VWC2L: variants seen among roughly 807,000 people sequenced by gnomAD.
The protein encoded by VWC2L is von Willebrand factor C domain-containing protein 2-like.
VWC2L carries 10 observed loss-of-function variants against 21.6 expected under a neutral mutation model. That is an observed-to-expected ratio of 0.46 (90% confidence interval 0.29 to 0.78). The LOEUF is 0.78. VWC2L is among the 30% of genes least tolerant of loss of function. The probability of loss-of-function intolerance (pLI) is 0.10; values close to 1 mark genes in which losing one functional copy is unlikely to be tolerated. For synonymous variants in VWC2L, 96 were observed against 94.3 expected (o/e 1.02, Z -0.10); for missense variants, 209 against 277.1 (o/e 0.75, Z 1.74).
intron 2 of VWC2L, among the ~76,000 whole-genome samples, chr2:214,436,004 AT>A (rs1362836885): frequency 2.0e-5 from 3 of 151,678 alleles, no homozygotes; most frequent in Non-Finnish European, 4.4e-5. Flanking sequence ...AGGCCAGTCG[AT>A]TTGTTCATTC....
intron 3 of VWC2L, among the ~76,000 whole-genome samples, chr2:214,550,835 T>A (rs540526981): frequency 3.5e-4 from 53 of 152,358 alleles, no homozygotes; most frequent in African/African-American, 1.2e-3. Context: ...TAGTGTCATG[T>A]CACTTTCCTA....
At chr2:214,422,036 C>T (rs1467741760) in intron 2 of VWC2L, among the ~76,000 whole-genome samples, 2 of 150,872 alleles carry the variant, frequency 1.3e-5, no homozygotes, top group East Asian at 2.0e-4. Context: ...ATTACAGGCG[C>T]GTGCCACCAT....
chr2:214,444,847 A>T (rs2126182097), intron 3 of VWC2L, among the ~76,000 whole-genome samples: 1 of 152,136 alleles, frequency 6.6e-6, no homozygotes, highest in African/African-American at 2.4e-5. Flanking sequence ...CGATTATATA[A>T]AAAGATAAAA....
chr2:214,497,937 A>T (rs1359526736), intron 3 of VWC2L, among the ~76,000 whole-genome samples: 5 of 152,330 alleles, frequency 3.3e-5, no homozygotes, highest in African/African-American at 1.2e-4. Flanking sequence ...ATGAATAAAA[A>T]CCCAAATCTC....
intron 3 of VWC2L, among the ~76,000 whole-genome samples, chr2:214,558,434 G>T (rs567102601): frequency 6.6e-6 from 1 of 152,080 alleles, no homozygotes; most frequent in South Asian, 2.1e-4. Flanking sequence ...TTCTAACATT[G>T]ACCTCATTCT....
chr2:214,509,227 CGTAT>C (rs770926089), intron 3 of VWC2L, among the ~76,000 whole-genome samples: 4 of 152,142 alleles, frequency 2.6e-5, no homozygotes, highest in Non-Finnish European at 4.4e-5. Context: ...ATTTTCCTAA[CGTAT>C]GTATTACCTT....
At chr2:214,489,018 A>G (rs1688711415) in intron 3 of VWC2L, among the ~76,000 whole-genome samples, 2 of 152,188 alleles carry the variant, frequency 1.3e-5, no homozygotes, top group African/African-American at 4.8e-5. Context: ...TTTGATGGGG[A>G]CAAACTTGAT....
chr2:214,414,821 A>C (rs1412599129), intron 2 of VWC2L: 3 of 513,394 alleles, frequency 5.8e-6, no homozygotes, highest in Non-Finnish European at 1.0e-5. Flanking sequence ...TATTTGGGGC[A>C]TACCTAACAC....
chr2:214,502,881 C>A (rs1469915810), intron 3 of VWC2L, among the ~76,000 whole-genome samples: 1 of 152,198 alleles, frequency 6.6e-6, no homozygotes, highest in African/African-American at 2.4e-5. Flanking sequence ...CCCAGATGGG[C>A]AACACCAGGC....
chr2:214,436,716 C>T lies in VWC2L; in HGVS notation c.478C>T (p.Pro160Ser). ...CTGCGCAGTTCCTGAGTGTGTCAACCCAGTCTATGAACCAGAACAATGTTG... is the reference window on the plus strand; with the variant it reads ...CTGCGCAGTTCCTGAGTGTGTCAACTCAGTCTATGAACCAGAACAATGTTG... The part of the protein sequence containing the change: ...ADCAVPECVN[P>S]VYEPEQCCPV... Residue 160 changes from proline to serine, a missense_variant, in exon 3 of 4, where the codon CCA (proline) becomes TCA (serine). By Grantham distance (74) the Pro-to-Ser change is moderately conservative. Coordinates refer to ENST00000312504, the MANE Select transcript of VWC2L (RefSeq NM_001080500.4). 1 of 1,613,304 alleles carries T rather than the reference C, an allele frequency of 6.2e-7. No homozygotes were observed. Among genetic ancestry groups the T allele is most frequent in the Non-Finnish European group, 8.5e-7 (1 of 1,179,442 alleles).
chr2:214,568,229 A>G (rs1490768603), intron 3 of VWC2L, among the ~76,000 whole-genome samples: 2 of 152,186 alleles, frequency 1.3e-5, no homozygotes, highest in Non-Finnish European at 2.9e-5. Flanking sequence ...CTCTGGATCT[A>G]GGACCTTGAC....
At chr2:214,431,351 A>G (rs1195499355) in intron 2 of VWC2L, among the ~76,000 whole-genome samples, 5 of 152,160 alleles carry the variant, frequency 3.3e-5, no homozygotes, top group Admixed American at 1.3e-4. Context: ...TCCTTTGTGG[A>G]AAAGATTAGA....
intron 2 of VWC2L, among the ~76,000 whole-genome samples, chr2:214,428,163 C>T (rs1702552983): frequency 6.6e-6 from 1 of 152,130 alleles, no homozygotes; most frequent in South Asian, 2.1e-4. Context: ...CAATCATAGT[C>T]ATGTAATCAA....
Position 214,525,770 on chromosome 2 carries a change from C to T in VWC2L, c.521-49902C>T, listed in dbSNP as rs545234269. 4.6e-5 allele frequency among the ~76,000 whole-genome samples: 7 copies of T among 152,242 alleles called. No homozygotes were observed. The South Asian group carries it at 8.3e-4, about 18-fold the overall frequency. ...ATTGTTGTGACATGAGCATTAAAAA[C>T]AAATAACTGTCCACTTGAATTGAAG... is the stretch of plus-strand genomic sequence containing the variant. On this transcript the variant is annotated intron_variant, in intron 3 of 3. Coordinates refer to ENST00000312504, the MANE Select transcript of VWC2L (RefSeq NM_001080500.4).
chr2:214,494,939 T>G (rs986513191), intron 3 of VWC2L, among the ~76,000 whole-genome samples: 1 of 152,154 alleles, frequency 6.6e-6, no homozygotes, highest in African/African-American at 2.4e-5. Context: ...CCAGGCCAAC[T>G]CTTAGATTTC....
In VWC2L at chr2:214,483,929, T is replaced by C. The variant is rs952798872; in HGVS notation, c.520+47171T>C. Among the ~76,000 whole-genome samples, 4 of 152,120 alleles carry C rather than the reference T, an allele frequency of 2.6e-5. No individual in the cohort carries two copies. The South Asian group carries it at 6.2e-4, about 24-fold the overall frequency. On this transcript the variant is annotated intron_variant, in intron 3 of 3. Coordinates refer to ENST00000312504, the MANE Select transcript of VWC2L (RefSeq NM_001080500.4). ...TTTATTCTCTAACGGTTTTGGAAGA[T>C]GGAAGTCTCAAATGAAGGTGTTGCA...
At position 214,459,498 on chromosome 2, in the gene VWC2L, G is replaced by A. The variant is rs184633457; in HGVS notation, c.520+22740G>A. On this transcript the variant is annotated intron_variant, in intron 3 of 3. Coordinates refer to ENST00000312504, the MANE Select transcript of VWC2L (RefSeq NM_001080500.4). ...TATTGTTCCCACTTGTTGGTTTTCT[G>A]TAGCAGTAACATTTGAATCCTTTCT... Among the ~76,000 whole-genome samples, 12 of 152,184 alleles carry A rather than the reference G, an allele frequency of 7.9e-5. No individual in the cohort carries two copies. In the East Asian group the frequency reaches 1.5e-3, roughly 20 times the overall value.
intron 3 of VWC2L, among the ~76,000 whole-genome samples, chr2:214,520,579 A>G (rs1007653356): frequency 6.6e-6 from 1 of 152,172 alleles, no homozygotes; most frequent in Non-Finnish European, 1.5e-5. Flanking sequence ...CTTGAACAAT[A>G]TTTCCCAAAT....
chr2:214,502,232 T>A (rs951823431), intron 3 of VWC2L, among the ~76,000 whole-genome samples: 1 of 152,198 alleles, frequency 6.6e-6, no homozygotes, highest in Non-Finnish European at 1.5e-5. Flanking sequence ...GTGATTATTA[T>A]GTAAGGTGTT....
Sources: gnomAD v4.1 joint callset for allele counts (sites outside exome capture counted in the v4.1 genomes callset) on GRCh38, gnomAD v4.1.1 for gene constraint, MANE v1.5 for transcripts, NCBI Gene and HGNC (gene_info 2026-07-23, HGNC 2026-07-21) for gene names.